The following CCDC138 variants were observed in gnomAD, a reference collection of about 807,000 sequenced individuals.
The protein encoded by CCDC138 is coiled-coil domain containing 138, also known as coiled-coil domain-containing protein 138.
In CCDC138, 66 loss-of-function variants were observed where a neutral mutation model predicts 82.3. That is an observed-to-expected ratio of 0.80 (90% CI 0.66 to 0.98). The LOEUF is 0.98. CCDC138 is among the 50% of genes least tolerant of loss of function. CCDC138 has a pLI of 0.00. For missense variants in CCDC138, 816 were observed against 758.9 expected (o/e 1.08, Z -0.88); for synonymous variants, 297 against 265.4 (o/e 1.12, Z -1.16).
chr2:108,876,317 G>C lies in CCDC138; in HGVS notation c.*64G>C. The C allele has an allele frequency of 3.4e-6, 3 of 893,554 alleles. No homozygotes were observed. Among genetic ancestry groups the C allele is most frequent in the Non-Finnish European group, 5.0e-6 (3 of 602,900 alleles). 55.4% of individuals were successfully genotyped at this position (893,554 alleles called of 1,614,324 possible). On this transcript the variant is annotated 3_prime_UTR_variant, in exon 15 of 15. Transcript: ENST00000295124. ...TTATAAACATGTAGAAATTACCAAA[G>C]TAACTACAATTCTACCAAGTAAAGT...
intron 13 of CCDC138, among the ~76,000 whole-genome samples, chr2:108,862,077 G>GTTTTTTTTTTTT (rs71383810): frequency 1.4e-5 from 2 of 141,386 alleles, no homozygotes; most frequent in Non-Finnish European, 3.0e-5. Context: ...TATGATTTCA[G>GTTTTTTTTTTTT]TTTTTTTTTT....
chr2:108,815,839 A>G (rs1684693368), intron 9 of CCDC138, 102 bp from the exon 10 acceptor site: 2 of 961,990 alleles, frequency 2.1e-6, no homozygotes, highest in Middle Eastern at 3.3e-4. Context: ...TTAGTGAATT[A>G]CTTTAGTCAA....
chr2:108,848,826 C>G (rs1158011358), intron 12 of CCDC138, among the ~76,000 whole-genome samples: 2 of 152,100 alleles, frequency 1.3e-5, no homozygotes, highest in African/African-American at 4.8e-5. Flanking sequence ...AGAAATGAAT[C>G]AAAATTGGCA....
chr2:108,832,416 C>T (rs1207947316), intron 10 of CCDC138, among the ~76,000 whole-genome samples: 5 of 142,796 alleles, frequency 3.5e-5, no homozygotes, highest in South Asian at 2.2e-4. Context: ...GGTGTGATCT[C>T]GGCTCACCGC....
intron 13 of CCDC138, among the ~76,000 whole-genome samples, chr2:108,869,228 C>A (rs138810612): frequency 1.4e-4 from 22 of 152,110 alleles, no homozygotes. Context: ...CTGTAGCAAC[C>A]CAGCAAATGC....
chr2:108,788,456 C>T (rs1679315022), intron 2 of CCDC138, among the ~76,000 whole-genome samples: 1 of 151,410 alleles, frequency 6.6e-6, no homozygotes, highest in Admixed American at 6.6e-5. Flanking sequence ...CGGTGGCTCA[C>T]GCCTGTAATC....
chr2:108,849,042 G>A (rs1690971806), intron 12 of CCDC138, among the ~76,000 whole-genome samples: 1 of 152,138 alleles, frequency 6.6e-6, no homozygotes, highest in African/African-American at 2.4e-5. Flanking sequence ...GGGATAAAAA[G>A]ACTTCAATCA....
intron 10 of CCDC138, among the ~76,000 whole-genome samples, chr2:108,830,176 A>AT (rs1405367115): frequency 2.0e-5 from 3 of 152,206 alleles, no homozygotes; most frequent in Non-Finnish European, 2.9e-5. Flanking sequence ...ATATGAGATG[A>AT]TTCTGCTTCC....
At chr2:108,798,650 T>C in intron 6 of CCDC138, 64 bp downstream of exon 6, 2 of 1,301,990 alleles carry the variant, frequency 1.5e-6, no homozygotes, top group Non-Finnish European at 2.1e-6. Flanking sequence ...ATTCACTAGT[T>C]ACTAACATTT....
chr2:108,796,061 T>A (rs1023191382), intron 5 of CCDC138, among the ~76,000 whole-genome samples: 1 of 152,140 alleles, frequency 6.6e-6, no homozygotes, highest in African/African-American at 2.4e-5. Context: ...TATTTATTTA[T>A]TTTTTTGAGA....
chr2:108,817,479 G>T (rs1407341605), intron 10 of CCDC138, among the ~76,000 whole-genome samples: 2 of 151,990 alleles, frequency 1.3e-5, no homozygotes, highest in Admixed American at 6.6e-5. Flanking sequence ...TTTTAGTAGA[G>T]ACGGGGTTGC....
Position 108,795,150 on chromosome 2 carries a change from A to ATTTTTT in CCDC138, c.576+446_576+451dup, listed in dbSNP as rs11458525. Among the ~76,000 whole-genome samples the ATTTTTT allele has an allele frequency of 2.6e-3, 217 of 85,016 alleles. 7 individuals carry two copies. The highest frequency in any genetic ancestry group is 4.6e-3 in the African/African-American group (97 of 20,910). 55.8% of individuals were successfully genotyped at this position (85,016 alleles called of 152,430 possible). A position where few individuals can be genotyped will look rare whatever the true frequency, so the allele number is the denominator to read the frequency against. On this transcript the variant is annotated intron_variant, in intron 5 of 14. Coordinates refer to ENST00000295124, the MANE Select transcript of CCDC138 (RefSeq NM_144978.3). ...TTCGGGTTTTTTGTTTCTAAAGTGT[A>ATTTTTT]TTTTTTTTTTTTTTTTTTTTTTGCG... is the stretch of plus-strand genomic sequence containing the variant.
At chr2:108,818,455 C>T (rs946168321) in intron 10 of CCDC138, among the ~76,000 whole-genome samples, 3 of 152,154 alleles carry the variant, frequency 2.0e-5, no homozygotes, top group Non-Finnish European at 4.4e-5. Flanking sequence ...TCAGGATTTA[C>T]AGTTTCTATT....
chr2:108,804,305 G>A (rs1370026493), intron 6 of CCDC138, among the ~76,000 whole-genome samples: 1 of 152,120 alleles, frequency 6.6e-6, no homozygotes, highest in Non-Finnish European at 1.5e-5. Flanking sequence ...AATTAGAGGG[G>A]AAGTTGATTT....
chr2:108,836,714 T>C (rs1005681525), intron 10 of CCDC138, among the ~76,000 whole-genome samples: 3 of 152,196 alleles, frequency 2.0e-5, no homozygotes, highest in Non-Finnish European at 4.4e-5. Context: ...TCATTCTATT[T>C]ATTTGTGTCT....
rs1683139309 is a variant in CCDC138, at chr2:108,807,909, C to T, written c.855+2901C>T. ...CAGGCCTGAGCCACTGTACCCAGCC[C>T]CTCCTATCCAGTTCTAATTTTGTGT... On this transcript the variant is annotated intron_variant, in intron 7 of 14. Coordinates refer to ENST00000295124, the MANE Select transcript of CCDC138 (RefSeq NM_144978.3). Among the ~76,000 whole-genome samples, 4 of 152,242 alleles carry T rather than the reference C, an allele frequency of 2.6e-5. No individual in the cohort carries two copies. In the South Asian group the frequency reaches 8.3e-4, roughly 32 times the overall value.
At chr2:108,803,433 A>T (rs916048167) in intron 6 of CCDC138, among the ~76,000 whole-genome samples, 20 of 151,840 alleles carry the variant, frequency 1.3e-4, no homozygotes, top group African/African-American at 2.2e-4. Context: ...AGTGGAAATT[A>T]AAAAAAAATT....
intron 11 of CCDC138, among the ~76,000 whole-genome samples, chr2:108,844,501 T>C (rs1337815700): frequency 6.6e-6 from 1 of 152,212 alleles, no homozygotes; most frequent in East Asian, 1.9e-4. Context: ...TTAGAATCTT[T>C]GTCAGACAAT....
At chr2:108,828,927 G>A (rs11123713) in intron 10 of CCDC138, among the ~76,000 whole-genome samples, 96,103 of 151,876 alleles carry the variant, frequency 0.63, 33,909 homozygotes, top group East Asian at 0.9. Flanking sequence ...GCAGTGAGCC[G>A]AGATCACGCC....
Sources: allele counts gnomAD v4.1 joint callset (sites outside exome capture counted in the v4.1 genomes callset), GRCh38; gene constraint gnomAD v4.1.1; transcripts MANE v1.5; gene names NCBI Gene and HGNC (gene_info 2026-07-23, HGNC 2026-07-21).